The following TACR3 variants were observed in gnomAD, a reference collection of about 807,000 sequenced individuals.
TACR3 encodes the protein neuromedin-K receptor.
In TACR3, 34 loss-of-function variants were observed where a neutral mutation model predicts 35.0. The ratio of observed to expected loss-of-function variants is 0.97; its 90% CI spans 0.74 to 1.30. The LOEUF (loss-of-function observed/expected upper bound fraction) is 1.30. Among genes scored for constraint, TACR3 ranks in the 50% most tolerant of loss-of-function variants. TACR3 has a pLI of 0.00. For synonymous variants in TACR3, 233 were observed against 221.1 expected (o/e 1.05, Z -0.48); for missense variants, 558 against 591.7 (o/e 0.94, Z 0.59).
At chr4:103,664,119 C>T (rs1224396430) in intron 1 of TACR3, among the ~76,000 whole-genome samples, 1 of 152,098 alleles carries the variant, frequency 6.6e-6, no homozygotes, top group African/African-American at 2.4e-5. Flanking sequence ...TTTTATTATC[C>T]TTTATAGAAG....
At chr4:103,676,111 C>T (rs753086085) in intron 1 of TACR3, among the ~76,000 whole-genome samples, 4 of 152,050 alleles carry the variant, frequency 2.6e-5, no homozygotes, top group African/African-American at 4.8e-5. Flanking sequence ...AAATGAGCTA[C>T]GAGAGGAAAA....
In TACR3 at chr4:103,588,998, A is replaced by T. The variant is rs1434382100; in HGVS notation, c.*684T>A. ...ATAAGTAATGGTCAAAAAGTATATAATTTTTTAAAATTTCACTTTCTCAGA... is the reference window on the plus strand; with the variant it reads ...ATAAGTAATGGTCAAAAAGTATATATTTTTTTAAAATTTCACTTTCTCAGA... On this transcript the variant is annotated 3_prime_UTR_variant, in exon 5 of 5. Transcript: ENST00000304883. 6.6e-6 allele frequency: 1 copy of T among 152,090 alleles called. No individual in the cohort carries two copies. The highest frequency in any genetic ancestry group is 1.5e-5 in the Non-Finnish European group (1 of 67,994). The allele number at this position is 152,090 out of a possible 1,614,324, so 9.4% of individuals were successfully genotyped here.
intron 3 of TACR3, among the ~76,000 whole-genome samples, chr4:103,594,592 T>A (rs1451548607): frequency 6.6e-6 from 1 of 152,214 alleles, no homozygotes; most frequent in Non-Finnish European, 1.5e-5. Context: ...GAATCTTTTA[T>A]ACAGACTGAC....
At chr4:103,595,719 T>A (rs1255663389) in intron 3 of TACR3, among the ~76,000 whole-genome samples, 1 of 152,108 alleles carries the variant, frequency 6.6e-6, no homozygotes, top group African/African-American at 2.4e-5. Flanking sequence ...ATTCTTTTTT[T>A]TTTAATTTTG....
intron 3 of TACR3, among the ~76,000 whole-genome samples, chr4:103,630,999 A>T (rs1347247492): frequency 6.6e-6 from 1 of 152,224 alleles, no homozygotes; most frequent in East Asian, 1.9e-4. Context: ...CAATGCAGCC[A>T]TAAAAAGATG....
intron 3 of TACR3, among the ~76,000 whole-genome samples, chr4:103,613,506 A>G (rs1401800909): frequency 6.9e-6 from 1 of 145,048 alleles, no homozygotes; most frequent in African/African-American, 2.6e-5. Flanking sequence ...TTTTTGTACT[A>G]TTGGTGGAGA....
chr4:103,646,576 G>A (rs1725460480), intron 3 of TACR3, among the ~76,000 whole-genome samples: 1 of 151,836 alleles, frequency 6.6e-6, no homozygotes, highest in Admixed American at 6.6e-5. Context: ...GTTGTACAAG[G>A]CCAGTGTTGT....
At chr4:103,618,233 C>A (rs568091075) in intron 3 of TACR3, among the ~76,000 whole-genome samples, 1 of 152,200 alleles carries the variant, frequency 6.6e-6, no homozygotes, top group South Asian at 2.1e-4. Flanking sequence ...AGCTTTAATC[C>A]ATTTTAAGTT....
In TACR3 at chr4:103,626,956, C is replaced by T. The variant is rs575585851; in HGVS notation, c.888+29238G>A. 4.0e-5 allele frequency among the ~76,000 whole-genome samples: 6 copies of T among 151,212 alleles called. No individual in the cohort carries two copies. In the East Asian group the frequency reaches 5.9e-4, roughly 15 times the overall value. ...TTGGGAGATTGAGGTGGGCGGATCA[C>T]GAGGCCAGGAGTTGGAGACCAGCCT... On this transcript the variant is annotated intron_variant, in intron 3 of 4. Coordinates refer to ENST00000304883, the MANE Select transcript of TACR3 (RefSeq NM_001059.3).
chr4:103,631,341 T>C (rs966210689), intron 3 of TACR3, among the ~76,000 whole-genome samples: 2 of 151,870 alleles, frequency 1.3e-5, no homozygotes, highest in African/African-American at 4.8e-5. Flanking sequence ...AAATGAATAA[T>C]AAATGCATGG....
At chr4:103,690,238 T>C (rs1722371037) in intron 1 of TACR3, among the ~76,000 whole-genome samples, 1 of 152,162 alleles carries the variant, frequency 6.6e-6, no homozygotes, top group Non-Finnish European at 1.5e-5. Context: ...CACATGAAGA[T>C]ATAAATTAAA....
chr4:103,621,053 A>C (rs1471678797), intron 3 of TACR3, among the ~76,000 whole-genome samples: 2 of 152,230 alleles, frequency 1.3e-5, no homozygotes, highest in African/African-American at 4.8e-5. Flanking sequence ...ATAGCTAAAC[A>C]AAAGAACATT....
rs1274003394 is a variant in TACR3 at position 103,628,528 on chromosome 4, CAAAT to C, written c.888+27662_888+27665del. Among the ~76,000 whole-genome samples the C allele has an allele frequency of 2.6e-5, 4 of 152,146 alleles. No individual in the cohort carries two copies. The East Asian group carries it at 5.8e-4, about 22-fold the overall frequency. On this transcript the variant is annotated intron_variant, in intron 3 of 4. Transcript: ENST00000304883. Reference sequence around the variant, plus strand: ...AGAGAATACTATAAACAACTCTACACAAATAAACTAGAAAATCTAGAAGAAATGG... The same window carrying C: ...AGAGAATACTATAAACAACTCTACACAAACTAGAAAATCTAGAAGAAATGG...
At chr4:103,679,388 G>A (rs1017616090) in intron 1 of TACR3, among the ~76,000 whole-genome samples, 2 of 152,008 alleles carry the variant, frequency 1.3e-5, no homozygotes, top group Non-Finnish European at 2.9e-5. Flanking sequence ...GACTGGAATT[G>A]TTAGGTGGTG....
chr4:103,666,837 C>T (rs1007197100), intron 1 of TACR3, among the ~76,000 whole-genome samples: 2 of 152,166 alleles, frequency 1.3e-5, no homozygotes, highest in African/African-American at 4.8e-5. Flanking sequence ...TTCTAAATCA[C>T]TCTTTTGAAG....
At chr4:103,592,116 C>A (rs1425559478) in intron 3 of TACR3, among the ~76,000 whole-genome samples, 1 of 152,076 alleles carries the variant, frequency 6.6e-6, no homozygotes, top group Admixed American at 6.6e-5. Context: ...TGGGTTTGTT[C>A]AAGTCAGTAC....
intron 1 of TACR3, among the ~76,000 whole-genome samples, chr4:103,678,146 G>T (rs1726213138): frequency 6.6e-6 from 1 of 152,078 alleles, no homozygotes; most frequent in Non-Finnish European, 1.5e-5. Context: ...GTGATTCAAG[G>T]ATTAAATGGA....
At chr4:103,595,180 A>G (rs1359780150) in intron 3 of TACR3, among the ~76,000 whole-genome samples, 1 of 152,224 alleles carries the variant, frequency 6.6e-6, no homozygotes, top group Non-Finnish European at 1.5e-5. Context: ...ATGGCTGAAC[A>G]ATGGTACTAG....
chr4:103,686,519 C>T (rs1184022394), intron 1 of TACR3, among the ~76,000 whole-genome samples: 1 of 151,990 alleles, frequency 6.6e-6, no homozygotes, highest in Non-Finnish European at 1.5e-5. Context: ...AATAAATAAA[C>T]AACAAACAAG....
Sources: allele counts gnomAD v4.1 joint callset (sites outside exome capture counted in the v4.1 genomes callset), GRCh38; gene constraint gnomAD v4.1.1; transcripts MANE v1.5; gene names NCBI Gene and HGNC (gene_info 2026-07-23, HGNC 2026-07-21).